The following SPAG16 variants were observed in gnomAD, a reference collection of about 807,000 sequenced individuals.
SPAG16 encodes the protein sperm associated antigen 16.
Under a neutral mutation model 80.4 loss-of-function variants are expected in SPAG16, and 86 were observed. That is an observed-to-expected ratio of 1.07 (90% CI 0.90 to 1.28). The LOEUF is 1.28. Ranked by LOEUF, SPAG16 falls within the 50% of genes most tolerant of loss-of-function variation. The pLI is 0.00. For synonymous variants in SPAG16, 294 were observed against 265.9 expected (o/e 1.11, Z -1.03); for missense variants, 870 against 765.3 (o/e 1.14, Z -1.61).
chr2:214,074,377 C>G (rs2050959486), intron 13 of SPAG16, among the ~76,000 whole-genome samples: 1 of 151,998 alleles, frequency 6.6e-6, no homozygotes, highest in South Asian at 2.1e-4. Context: ...AACTATTGCT[C>G]CAAACTTATA....
At chr2:213,623,932 C>T (rs1226775509) in intron 10 of SPAG16, among the ~76,000 whole-genome samples, 3 of 151,630 alleles carry the variant, frequency 2.0e-5, no homozygotes, top group Non-Finnish European at 4.4e-5. Context: ...ATGCTAATTC[C>T]ATCATGATAC....
At chr2:214,401,516 A>C (rs555291829) in intron 15 of SPAG16, among the ~76,000 whole-genome samples, 1 of 152,054 alleles carries the variant, frequency 6.6e-6, no homozygotes, top group African/African-American at 2.4e-5. Context: ...AAAATATAAA[A>C]TGAGTATTTT....
intron 10 of SPAG16, among the ~76,000 whole-genome samples, chr2:213,663,937 T>C (rs1231187650): frequency 6.6e-6 from 1 of 152,110 alleles, no homozygotes; most frequent in Admixed American, 6.6e-5. Context: ...TAAATTAGTA[T>C]AAACTTAGTT....
intron 10 of SPAG16, among the ~76,000 whole-genome samples, chr2:213,812,310 T>G (rs1051700687): frequency 6.6e-6 from 1 of 152,162 alleles, no homozygotes; most frequent in African/African-American, 2.4e-5. Flanking sequence ...GGGCCTATAT[T>G]ATACTGAATT....
chr2:213,320,367 A>G (rs927435324), intron 5 of SPAG16, among the ~76,000 whole-genome samples: 1 of 152,016 alleles, frequency 6.6e-6, no homozygotes, highest in African/African-American at 2.4e-5. Context: ...CAGAGTATTT[A>G]GGGTATCCAT....
intron 11 of SPAG16, among the ~76,000 whole-genome samples, chr2:213,870,928 A>G (rs560758084): frequency 6.6e-6 from 1 of 152,310 alleles, no homozygotes; most frequent in South Asian, 2.1e-4. Context: ...CTGAAACATT[A>G]TAGAGAATGA....
chr2:214,316,413 A>G (rs975504986), intron 15 of SPAG16, among the ~76,000 whole-genome samples: 1 of 152,172 alleles, frequency 6.6e-6, no homozygotes, highest in South Asian at 2.1e-4. Flanking sequence ...GCTGCATATG[A>G]ATCCTCATTT....
chr2:213,895,104 A>G (rs1213797807), intron 11 of SPAG16, among the ~76,000 whole-genome samples: 10 of 152,008 alleles, frequency 6.6e-5, no homozygotes, highest in South Asian at 2.1e-4. Flanking sequence ...ACAAAAATCA[A>G]TAGTATTTAT....
chr2:213,484,161 T>C (rs1418520391), intron 9 of SPAG16, among the ~76,000 whole-genome samples: 1 of 152,220 alleles, frequency 6.6e-6, no homozygotes, highest in Non-Finnish European at 1.5e-5. Context: ...TAAAACTATT[T>C]TGTTTTATAT....
At chr2:213,756,694 C>T (rs1335179656) in intron 10 of SPAG16, among the ~76,000 whole-genome samples, 1 of 152,064 alleles carries the variant, frequency 6.6e-6, no homozygotes, top group Non-Finnish European at 1.5e-5. Context: ...TAATGTATAC[C>T]AGGCCAATTA....
intron 10 of SPAG16, among the ~76,000 whole-genome samples, chr2:213,576,781 AC>A (rs2060141670): frequency 6.6e-6 from 1 of 152,106 alleles, no homozygotes; most frequent in African/African-American, 2.4e-5. Flanking sequence ...ATAAGTGGGA[AC>A]TAAATGATAA....
chr2:214,303,597 T>C (rs1463543823), intron 15 of SPAG16, among the ~76,000 whole-genome samples: 5 of 152,188 alleles, frequency 3.3e-5, no homozygotes, highest in Non-Finnish European at 7.3e-5. Flanking sequence ...ACGATATGCT[T>C]TGGTGATGTT....
intron 10 of SPAG16, among the ~76,000 whole-genome samples, chr2:213,523,541 T>C (rs184930339): frequency 9.9e-5 from 15 of 152,140 alleles, no homozygotes; most frequent in Admixed American, 2.0e-4. Flanking sequence ...CAGAAGAAGA[T>C]AGAAAAATGT....
At chr2:213,997,499 G>A (rs2046580659) in intron 12 of SPAG16, among the ~76,000 whole-genome samples, 1 of 152,148 alleles carries the variant, frequency 6.6e-6, no homozygotes, top group Admixed American at 6.6e-5. Context: ...GATAAATAAA[G>A]TCAACAGTAA....
intron 13 of SPAG16, among the ~76,000 whole-genome samples, chr2:214,107,322 A>G (rs2053435449): frequency 1.3e-5 from 2 of 152,204 alleles, no homozygotes; most frequent in South Asian, 4.1e-4. Flanking sequence ...ACAAATATTA[A>G]TTACTCAAAA....
intron 14 of SPAG16, among the ~76,000 whole-genome samples, chr2:214,122,882 TA>T (rs1161238646): frequency 2.0e-5 from 3 of 151,968 alleles, no homozygotes; most frequent in Non-Finnish European, 4.4e-5. Context: ...AAGGCATATG[TA>T]ATCTCCATTT....
At chr2:213,616,405 C>T (rs1389358726) in intron 10 of SPAG16, among the ~76,000 whole-genome samples, 2 of 152,194 alleles carry the variant, frequency 1.3e-5, no homozygotes, top group African/African-American at 2.4e-5. Flanking sequence ...TAAACAGAAA[C>T]ATCCCATTAA....
intron 15 of SPAG16, among the ~76,000 whole-genome samples, chr2:214,249,470 A>T (rs1251237428): frequency 6.6e-6 from 1 of 152,094 alleles, no homozygotes; most frequent in Admixed American, 6.6e-5. Flanking sequence ...AGGAAGGAAG[A>T]GGACATGGGG....
chr2:213,764,599 T>A (rs75123373), intron 10 of SPAG16, among the ~76,000 whole-genome samples: 3,336 of 152,242 alleles, frequency 0.022, 111 homozygotes, highest in African/African-American at 0.074. Flanking sequence ...ATAGCTAAAT[T>A]GTTTCATTTT....
Sources: gnomAD v4.1 joint callset for allele counts (sites outside exome capture counted in the v4.1 genomes callset) on GRCh38, gnomAD v4.1.1 for gene constraint, MANE v1.5 for transcripts, NCBI Gene and HGNC (gene_info 2026-07-23, HGNC 2026-07-21) for gene names.